FAM228B: variants seen among roughly 807,000 people sequenced by gnomAD.
FAM228B encodes family with sequence similarity 228 member B.
Under a neutral mutation model 42.6 loss-of-function variants are expected in FAM228B, and 38 were observed. The ratio of observed to expected loss-of-function variants is 0.89; its 90% confidence interval spans 0.69 to 1.17. The LOEUF is 1.17. Ranked by LOEUF, FAM228B falls within the 50% of genes most tolerant of loss-of-function variation. The pLI is 0.00. For synonymous variants in FAM228B, 109 were observed against 122.3 expected, an observed-to-expected ratio of 0.89 and a Z score of 0.72; for missense variants, 344 against 367.3, an observed-to-expected ratio of 0.94 and a Z score of 0.52.
intron 1 of FAM228B, chr2:24,079,721 T>C: frequency 1.5e-6 from 2 of 1,331,420 alleles, no homozygotes; most frequent in Non-Finnish European, 2.1e-6. Flanking sequence ...ATTATGGATA[T>C]AAATACAGAT....
chr2:24,162,710 G>T (rs1397149807), intron 8 of FAM228B, among the ~76,000 whole-genome samples: 1 of 152,084 alleles, frequency 6.6e-6, no homozygotes, highest in Non-Finnish European at 1.5e-5. Flanking sequence ...ACAAGATGTG[G>T]TATATCCATA....
At chr2:24,082,313 C>G (rs1444071915) in intron 2 of FAM228B, among the ~76,000 whole-genome samples, 2 of 152,152 alleles carry the variant, frequency 1.3e-5, no homozygotes, top group Admixed American at 1.3e-4. Context: ...CCTTGGCATG[C>G]CTTATGTCCT....
At chr2:24,145,460 G>A (rs750663283) in intron 5 of FAM228B, among the ~76,000 whole-genome samples, 3 of 152,106 alleles carry the variant, frequency 2.0e-5, no homozygotes, top group Non-Finnish European at 2.9e-5. Context: ...CCATAGACAC[G>A]TCTCCAGGAA....
At chr2:24,092,719 A>G (rs1211192931) in intron 2 of FAM228B, among the ~76,000 whole-genome samples, 3 of 152,206 alleles carry the variant, frequency 2.0e-5, no homozygotes, top group Non-Finnish European at 1.5e-5. Context: ...AGCCTTGATC[A>G]TAGTAACAAA....
intron 2 of FAM228B, among the ~76,000 whole-genome samples, chr2:24,086,480 TCTCC>T (rs1329539402): frequency 6.6e-6 from 1 of 151,974 alleles, no homozygotes; most frequent in East Asian, 1.9e-4. Context: ...GGCTTCCTTC[TCTCC>T]CTCCCTCCCT....
intron 5 of FAM228B, among the ~76,000 whole-genome samples, chr2:24,141,925 A>G (rs13423196): frequency 0.12 from 17,915 of 152,020 alleles, 1,253 homozygotes; most frequent in South Asian, 0.18. Context: ...TTGTACTATG[A>G]TTGTTATTCC....
intron 4 of FAM228B, among the ~76,000 whole-genome samples, 180 bp from the exon 5 acceptor site, chr2:24,139,190 T>G (rs149046461): frequency 1.8e-3 from 269 of 152,314 alleles, no homozygotes; most frequent in African/African-American, 6.3e-3. Context: ...TCCTTCACTA[T>G]ACCTGATTGC....
At chr2:24,116,886 A>G (rs1273576507) in intron 3 of FAM228B, among the ~76,000 whole-genome samples, 3 of 148,542 alleles carry the variant, frequency 2.0e-5, no homozygotes, top group Non-Finnish European at 3.0e-5. Context: ...CAAAAAAAAA[A>G]AAGAAAAAGA....
At chr2:24,128,584 T>C (rs2080728) in intron 2 of FAM228B, among the ~76,000 whole-genome samples, 103 of 152,340 alleles carry the variant, frequency 6.8e-4, no homozygotes, top group Non-Finnish European at 1.2e-3. Flanking sequence ...GTATACCTGG[T>C]GATTATTGGT....
chr2:24,151,307 G>A (rs533711910), intron 7 of FAM228B, among the ~76,000 whole-genome samples: 2 of 149,716 alleles, frequency 1.3e-5, no homozygotes, highest in Admixed American at 1.3e-4. Flanking sequence ...TTTTTTTTGA[G>A]ACAGAGTCTT....
intron 3 of FAM228B, chr2:24,115,698 C>T (rs777727592): frequency 3.0e-5 from 43 of 1,451,814 alleles, no homozygotes; most frequent in Non-Finnish European, 4.1e-5. Flanking sequence ...ATTCCACAAA[C>T]ATTGCCAGGT....
chr2:24,085,424 C>T (rs1665212489), intron 2 of FAM228B, among the ~76,000 whole-genome samples: 1 of 152,142 alleles, frequency 6.6e-6, no homozygotes, highest in African/African-American at 2.4e-5. Context: ...GGAGATCGTC[C>T]TGTGCATCGT....
intron 2 of FAM228B, among the ~76,000 whole-genome samples, chr2:24,092,924 GCACACACA>G (rs3030954): frequency 3.7e-4 from 50 of 133,514 alleles, no homozygotes; most frequent in African/African-American, 8.6e-4. Context: ...ATGATTTTAT[GCACACACA>G]CACACACACA....
Position 24,146,454 on chromosome 2 carries a change from T to A in FAM228B, c.442-294T>A, listed in dbSNP as rs182562620. On this transcript the variant is annotated intron_variant, in intron 5 of 10. Transcript: ENST00000615575. ...CTTTTGTGCATGGGAAAGGAATTTTTAAAATTTGGGAACATATGGTAACAA... is the reference window on the plus strand; with the variant it reads ...CTTTTGTGCATGGGAAAGGAATTTTAAAAATTTGGGAACATATGGTAACAA... Among the ~76,000 whole-genome samples, 9 of 152,332 alleles carry A rather than the reference T, an allele frequency of 5.9e-5. No individual in the cohort carries two copies. In the East Asian group the frequency reaches 1.7e-3, roughly 29 times the overall value.
intron 3 of FAM228B, among the ~76,000 whole-genome samples, chr2:24,106,713 C>T (rs573650986): frequency 1.1e-4 from 16 of 152,012 alleles, no homozygotes; most frequent in South Asian, 2.1e-4. Context: ...GATGATTTTC[C>T]GACAAGCAAA....
At chr2:24,124,573 G>A in intron 2 of FAM228B, 113 bp downstream of exon 2, 1 of 635,392 alleles carries the variant, frequency 1.6e-6, no homozygotes, top group Non-Finnish European at 2.6e-6. Context: ...ATTTCATTCT[G>A]TTTATTATTC....
chr2:24,104,293 G>A (rs1665664188), intron 3 of FAM228B, among the ~76,000 whole-genome samples: 1 of 152,222 alleles, frequency 6.6e-6, no homozygotes. Context: ...TTTCTAGACT[G>A]AGGCAGAGAG....
rs1232606280 is a variant in FAM228B at position 24,160,557 on chromosome 2, C to CTG, written c.687-945_687-944dup. 2.0e-5 allele frequency among the ~76,000 whole-genome samples: 3 copies of CTG among 151,918 alleles called. No individual in the cohort carries two copies. The East Asian group carries it at 5.8e-4, about 29-fold the overall frequency. The stretch of plus-strand genomic sequence containing the variant: ...TTCCAGTTTGCTAATTCTTTCTTCG[C>CTG]TGTGTTTGATATTAAGATTTTAATT... On this transcript the variant is annotated intron_variant, in intron 7 of 10. Transcript: ENST00000615575.
intron 3 of FAM228B, among the ~76,000 whole-genome samples, chr2:24,136,485 A>C (rs899317717): frequency 1.3e-5 from 2 of 152,110 alleles, no homozygotes; most frequent in Non-Finnish European, 1.5e-5. Context: ...CGGCCTCCCA[A>C]AGTGCTGGGA....
Sources: gnomAD v4.1 joint callset for allele counts (sites outside exome capture counted in the v4.1 genomes callset) on GRCh38, gnomAD v4.1.1 for gene constraint, MANE v1.5 for transcripts, NCBI Gene and HGNC (gene_info 2026-07-23, HGNC 2026-07-21) for gene names.